The following AKAP9 variants were observed in gnomAD, a reference collection of about 807,000 sequenced individuals.
AKAP9 encodes A-kinase anchor protein 9.
A neutral mutation model predicts 488.5 loss-of-function variants in AKAP9; 311 were observed. That is an observed-to-expected ratio of 0.64 (90% CI 0.58 to 0.70). AKAP9 has a LOEUF of 0.70. Ranked by LOEUF, AKAP9 falls within the 30% of genes least tolerant of loss-of-function variation. AKAP9 has a pLI of 0.00. For missense variants in AKAP9, 4,215 were observed against 4,374.5 expected, an observed-to-expected ratio of 0.96 and a Z score of 1.03; for synonymous variants, 1,462 against 1,483.5, an observed-to-expected ratio of 0.99 and a Z score of 0.33.
chr7:91,947,882 A>G (rs1791665531), intron 1 of AKAP9, among the ~76,000 whole-genome samples: 1 of 152,324 alleles, frequency 6.6e-6, no homozygotes, highest in South Asian at 2.1e-4. Flanking sequence ...TTATGCAACT[A>G]CTGCTTCTGT....
intron 1 of AKAP9, among the ~76,000 whole-genome samples, chr7:91,952,485 G>C (rs1416374132): frequency 6.6e-6 from 1 of 152,182 alleles, no homozygotes; most frequent in African/African-American, 2.4e-5. Flanking sequence ...TTGGCAGTTA[G>C]GGAAGGCTTT....
intron 14 of AKAP9, among the ~76,000 whole-genome samples, chr7:92,024,634 A>G (rs1584182077): frequency 6.6e-6 from 1 of 152,222 alleles, no homozygotes; most frequent in South Asian, 2.1e-4. Flanking sequence ...TACTCAATAA[A>G]TTATTTGTTT....
chr7:92,061,335 C>G lies in AKAP9; in HGVS notation c.5677C>G (p.Leu1893Val). ...ACAGAAACAAGAAGCAACAGAGTCC[C>G]TTAAGTGCCAAGAGGAACTTCGAGA... is the stretch of plus-strand genomic sequence containing the variant. ...FRQKQEATES[L>V]KCQEELRERL... The change falls in exon 23 of 50, where the codon CTT becomes GTT. Residue 1893 changes from leucine to valine, a missense_variant. Physicochemically the swap from Leu to Val is conservative, Grantham distance 32 (BLOSUM62 1). Around this residue, in one of 5 missense-constraint regions of AKAP9, gnomAD observed 2,361 missense variants for 2,430.0 expected, o/e 0.97. Transcript: ENST00000356239. 1.2e-6 allele frequency: 2 copies of G among 1,613,152 alleles called. No homozygotes were observed. The highest frequency in any genetic ancestry group is 1.7e-6 in the Non-Finnish European group (2 of 1,179,504).
chr7:92,102,634 A>C lies in AKAP9; in HGVS notation c.11138A>C (p.Lys3713Thr). Residue 3713 changes from lysine to threonine, a missense_variant, in exon 46 of 50, where the codon AAG becomes ACG. This residue lies in a region of AKAP9 where 253 missense variants were observed against 266.8 expected (regional missense o/e 0.95). Coordinates refer to ENST00000356239, the MANE Select transcript of AKAP9 (RefSeq NM_005751.5). ...GKYLRAESFR[K>T]ALIYQKKYLL... ...TACTTGAGGGCAGAAAGTTTTCGAA[A>C]GGCTCTCATTTACCAGAAGAAATAC... 4 of 1,614,198 alleles carry C rather than the reference A, an allele frequency of 2.5e-6. No homozygotes were observed. Among genetic ancestry groups the C allele is most frequent in the Non-Finnish European group, 3.4e-6 (4 of 1,180,038 alleles).
chr7:91,988,056 T>C (rs1797314637), intron 3 of AKAP9, among the ~76,000 whole-genome samples: 1 of 151,906 alleles, frequency 6.6e-6, no homozygotes, highest in Non-Finnish European at 1.5e-5. Flanking sequence ...GGCGGGCACA[T>C]GTAGTCCCAG....
chr7:91,940,865 T>G lies in AKAP9; in HGVS notation c.-235T>G. 1 of 580,778 alleles carries G rather than the reference T, an allele frequency of 1.7e-6. No individual in the cohort carries two copies. The highest frequency in any genetic ancestry group is 3.1e-6 in the Non-Finnish European group (1 of 322,100). The allele number at this position is 580,778 out of a possible 1,614,324, so 36.0% of individuals were successfully genotyped here. A position where few individuals can be genotyped will look rare whatever the true frequency, so the allele number is the denominator to read the frequency against. On this transcript the variant is annotated 5_prime_UTR_variant, in exon 1 of 50. Transcript: ENST00000356239. ...CCAGCCCCTCCCGCCTCGCCGTGTG[T>G]TTACGTGGAGACGAAGATGGCGGCG...
intron 33 of AKAP9, 135 bp from the exon 34 acceptor site, chr7:92,084,505 C>A: frequency 9.7e-6 from 6 of 617,608 alleles, no homozygotes; most frequent in East Asian, 6.1e-5. Flanking sequence ...AAAAAAAAAC[C>A]ATGAATAATT....
At chr7:92,080,575 G>A (rs1165242052) in intron 31 of AKAP9, among the ~76,000 whole-genome samples, 8 of 150,844 alleles carry the variant, frequency 5.3e-5, no homozygotes, top group Non-Finnish European at 1.2e-4. Context: ...ACTCCAACCT[G>A]GGTGACAGAG....
chr7:92,084,630 C>G lies in AKAP9; in HGVS notation c.8647-10C>G. 1 of 1,598,664 alleles carries G rather than the reference C, an allele frequency of 6.3e-7. No homozygotes were observed. ...AAAAAATATATGTACTTTTTGTTTT[C>G]TCTAATTAGGGATCCTCAATTCCTG... On this transcript the variant is annotated splice_polypyrimidine_tract_variant and intron_variant, in intron 33 of 49. Coordinates refer to ENST00000356239, the MANE Select transcript of AKAP9 (RefSeq NM_005751.5).
At chr7:92,098,036 C>A in intron 42 of AKAP9, 73 bp from the exon 43 acceptor site, 2 of 1,033,698 alleles carry the variant, frequency 1.9e-6, no homozygotes, top group South Asian at 1.3e-5. Context: ...ACGTCGCCTG[C>A]TCTGTAATGT....
Position 91,963,398 on chromosome 7 carries a change from A to G in AKAP9, c.49-10313A>G, listed in dbSNP as rs1291852549. Among the ~76,000 whole-genome samples, 8 of 151,872 alleles carry G rather than the reference A, an allele frequency of 5.3e-5. 1 individual carries two copies. Among genetic ancestry groups the G allele is most frequent in the Non-Finnish European group, 1.5e-5 (1 of 67,978 alleles). Reference sequence around the variant, plus strand: ...ATAAATTAGATGTCTTTATTAAGTAAATAGTACATATGCTTTCCTTCATCC... The same window carrying G: ...ATAAATTAGATGTCTTTATTAAGTAGATAGTACATATGCTTTCCTTCATCC... On this transcript the variant is annotated intron_variant, in intron 1 of 49. Transcript: ENST00000356239.
intron 14 of AKAP9, among the ~76,000 whole-genome samples, chr7:92,026,436 G>A (rs1008447724): frequency 5.9e-5 from 9 of 152,036 alleles, no homozygotes; most frequent in African/African-American, 9.7e-5. Flanking sequence ...TCGGGCTCCC[G>A]TGATTCTCCT....
intron 1 of AKAP9, among the ~76,000 whole-genome samples, chr7:91,954,437 A>ACCAT (rs1792682308): frequency 1.3e-5 from 2 of 152,096 alleles, no homozygotes; most frequent in African/African-American, 4.8e-5. Context: ...GGTACACACC[A>ACCAT]CCATGCCCAA....
chr7:91,946,121 G>A (rs1791426423), intron 1 of AKAP9, among the ~76,000 whole-genome samples: 1 of 152,200 alleles, frequency 6.6e-6, no homozygotes, highest in Non-Finnish European at 1.5e-5. Flanking sequence ...GCTGTATATT[G>A]ATTATTGATA....
At chr7:92,067,876 C>T (rs1473960286) in intron 26 of AKAP9, among the ~76,000 whole-genome samples, 1 of 152,194 alleles carries the variant, frequency 6.6e-6, no homozygotes, top group Non-Finnish European at 1.5e-5. Context: ...ATAGCACCCA[C>T]ATCATAGGAG....
intron 24 of AKAP9, 86 bp downstream of exon 24, chr7:92,062,572 A>C: frequency 9.4e-7 from 1 of 1,061,216 alleles, no homozygotes; most frequent in Admixed American, 2.0e-5. Flanking sequence ...TTCCTCTTTC[A>C]GTGCCATTAT....
rs558636249 is a variant in AKAP9, at chr7:91,990,336, C to T, written c.352-1822C>T. 1.2e-4 allele frequency among the ~76,000 whole-genome samples: 18 copies of T among 152,054 alleles called. No homozygotes were observed. In the East Asian group the frequency reaches 1.9e-3, roughly 16 times the overall value. On this transcript the variant is annotated intron_variant, in intron 3 of 49. Transcript: ENST00000356239. ...TAAAATAATTATCTAAATTTAAAAA[C>T]AGAATAATTTATTGTTAACTATTAA... is the stretch of plus-strand genomic sequence containing the variant.
intron 19 of AKAP9, 141 bp from the exon 20 acceptor site, chr7:92,042,527 A>G: frequency 1.5e-6 from 1 of 656,856 alleles, no homozygotes; most frequent in Non-Finnish European, 2.6e-6. Flanking sequence ...GTGTAGTTAA[A>G]TATTATACCA....
chr7:92,106,764 A>C (rs57816416), intron 47 of AKAP9, among the ~76,000 whole-genome samples: 60,806 of 152,034 alleles, frequency 0.4, 12,506 homozygotes, highest in African/African-American at 0.47. Flanking sequence ...TACATACTCT[A>C]CCAGGAGCTG....
Sources: gnomAD v4.1 joint callset for allele counts (sites outside exome capture counted in the v4.1 genomes callset) on GRCh38, gnomAD v4.1.1 for gene constraint, gnomAD v4.1.1 regional missense constraint, MANE v1.5 for transcripts, NCBI Gene and HGNC (gene_info 2026-07-23, HGNC 2026-07-21) for gene names.